The following TLE4 variants were observed in gnomAD, a reference collection of about 807,000 sequenced individuals.
The protein encoded by TLE4 is TLE family member 4, transcriptional corepressor.
In TLE4, 8 loss-of-function variants were observed where a neutral mutation model predicts 92.8. That is an observed-to-expected ratio of 0.09 (90% CI 0.05 to 0.16). TLE4 has a LOEUF of 0.16. Ranked by LOEUF, TLE4 falls within the 10% of genes least tolerant of loss-of-function variation. The probability of loss-of-function intolerance (pLI) is 1.00; values close to 1 mark genes in which losing one functional copy is unlikely to be tolerated. For synonymous variants in TLE4, 371 were observed against 374.1 expected (o/e 0.99, Z 0.10); for missense variants, 675 against 997.6 (o/e 0.68, Z 4.36).
intron 4 of TLE4, among the ~76,000 whole-genome samples, chr9:79,610,438 A>G (rs2048100801): frequency 6.6e-6 from 1 of 152,092 alleles, no homozygotes; most frequent in Non-Finnish European, 1.5e-5. Context: ...CTGTGGGACA[A>G]AAGAGGCGAA....
At chr9:79,706,697 C>G (rs764159048) in intron 10 of TLE4, 50 bp from the exon 11 acceptor site, 3 of 1,575,946 alleles carry the variant, frequency 1.9e-6, no homozygotes, top group African/African-American at 1.4e-5. Flanking sequence ...ACAACCCCAG[C>G]ATTATAAATG....
At chr9:79,626,849 G>A (rs897237437) in intron 5 of TLE4, among the ~76,000 whole-genome samples, 4 of 152,050 alleles carry the variant, frequency 2.6e-5, no homozygotes, top group African/African-American at 9.7e-5. Flanking sequence ...CTCATGATAG[G>A]GGTTAAAACA....
chr9:79,573,912 G>A, intron 2 of TLE4, 126 bp downstream of exon 2: 1 of 577,360 alleles, frequency 1.7e-6, no homozygotes, highest in South Asian at 5.4e-5. Flanking sequence ...TTTTTTTCTC[G>A]GTGGGCAGAA....
intron 8 of TLE4, among the ~76,000 whole-genome samples, chr9:79,682,344 A>G (rs1194830217): frequency 6.6e-6 from 1 of 152,170 alleles, no homozygotes; most frequent in East Asian, 1.9e-4. Context: ...TATATGCATC[A>G]TATTGCCTTT....
chr9:79,573,426 G>A, intron 1 of TLE4: 3 of 1,192,060 alleles, frequency 2.5e-6, no homozygotes, highest in African/African-American at 1.6e-5. Flanking sequence ...TTTGGCCGGG[G>A]AGGGGAGACG....
chr9:79,706,608 T>C (rs1055487651), intron 10 of TLE4, 139 bp from the exon 11 acceptor site: 2 of 1,078,496 alleles, frequency 1.9e-6, no homozygotes, highest in Admixed American at 2.8e-5. Flanking sequence ...GTAGTTTCAG[T>C]GAGTATTGTT....
intron 8 of TLE4, among the ~76,000 whole-genome samples, chr9:79,662,571 TG>T (rs1237015256): frequency 2.0e-5 from 3 of 152,304 alleles, no homozygotes; most frequent in Admixed American, 2.0e-4. Flanking sequence ...AAAATAAAAA[TG>T]TCACCATGGT....
intron 4 of TLE4, 139 bp from the exon 5 acceptor site, chr9:79,612,517 T>G: frequency 2.2e-5 from 16 of 718,756 alleles, no homozygotes; most frequent in East Asian, 2.6e-5. Context: ...GGCTTACTGA[T>G]GAGATAGTTT....
rs1384932722 is a variant in TLE4 at position 79,726,137 on chromosome 9, C to G, written c.*993C>G. The G allele has an allele frequency of 6.6e-6, 1 of 152,604 alleles. No homozygotes were observed. Among genetic ancestry groups the G allele is most frequent in the Non-Finnish European group, 1.5e-5 (1 of 68,028 alleles). 9.5% of individuals were successfully genotyped at this position (152,604 alleles called of 1,614,324 possible). A position where few individuals can be genotyped will look rare whatever the true frequency, so the allele number is the denominator to read the frequency against. On this transcript the variant is annotated 3_prime_UTR_variant, in exon 20 of 20. Transcript: ENST00000376552. ...AACAAGGACAGCAGAGGAGGGTTTG[C>G]AGAGACCTCCCTCTGAAAAACACAA... is the stretch of plus-strand genomic sequence containing the variant.
intron 7 of TLE4, among the ~76,000 whole-genome samples, chr9:79,653,651 A>G (rs2059348776): frequency 1.3e-5 from 2 of 152,230 alleles, no homozygotes. Context: ...CTGTTTCAGC[A>G]TCCTTACTGT....
chr9:79,614,779 A>G (rs2049119664), intron 5 of TLE4, among the ~76,000 whole-genome samples: 1 of 152,118 alleles, frequency 6.6e-6, no homozygotes, highest in African/African-American at 2.4e-5. Flanking sequence ...CTTTCTTAAA[A>G]CAGTATGAGA....
intron 8 of TLE4, chr9:79,693,555 C>T: frequency 2.4e-6 from 1 of 424,738 alleles, no homozygotes; most frequent in Non-Finnish European, 4.6e-6. Context: ...AGATAGCAGA[C>T]TGTTGGCTGT....
At chr9:79,595,785 T>C (rs957831500) in intron 4 of TLE4, among the ~76,000 whole-genome samples, 6 of 152,096 alleles carry the variant, frequency 3.9e-5, no homozygotes, top group South Asian at 4.1e-4. Context: ...AAAACTTGTT[T>C]AAATTCTTCT....
At chr9:79,587,324 G>A (rs2132196922) in intron 4 of TLE4, among the ~76,000 whole-genome samples, 1 of 152,302 alleles carries the variant, frequency 6.6e-6, no homozygotes, top group African/African-American at 2.4e-5. Flanking sequence ...GCCTAGATAG[G>A]CAATCAGAGA....
In TLE4 at chr9:79,711,503, A is replaced by G. The variant is rs866615598; in HGVS notation, c.1340+1804A>G. On this transcript the variant is annotated intron_variant, in intron 14 of 19. Transcript: ENST00000376552. The stretch of plus-strand genomic sequence containing the variant: ...AAGTGGAAGGGTTCCTTTAGGGAAG[A>G]AGTACTATCCCTTTTTTTTGGTTAC... Among the ~76,000 whole-genome samples, 9 of 152,328 alleles carry G rather than the reference A, an allele frequency of 5.9e-5. No individual in the cohort carries two copies. In the South Asian group the frequency reaches 1.0e-3, roughly 18 times the overall value.
At chr9:79,667,643 A>G (rs1294713688) in intron 8 of TLE4, among the ~76,000 whole-genome samples, 1 of 152,106 alleles carries the variant, frequency 6.6e-6, no homozygotes, top group African/African-American at 2.4e-5. Context: ...TATCCTGCCT[A>G]TTGGAAGTGC....
chr9:79,595,656 T>C (rs887658520), intron 4 of TLE4, among the ~76,000 whole-genome samples: 4 of 152,066 alleles, frequency 2.6e-5, no homozygotes, highest in African/African-American at 9.7e-5. Context: ...AAGAATCAAA[T>C]TCAAGGTGGT....
At chr9:79,648,354 C>T (rs982025799) in intron 6 of TLE4, among the ~76,000 whole-genome samples, 15 of 152,090 alleles carry the variant, frequency 9.9e-5, no homozygotes, top group Non-Finnish European at 4.4e-5. Context: ...GTCTTCTTAT[C>T]TGTAAAAAGA....
At chr9:79,699,403 A>G (rs1261224680) in intron 8 of TLE4, among the ~76,000 whole-genome samples, 3 of 152,216 alleles carry the variant, frequency 2.0e-5, no homozygotes, top group Non-Finnish European at 4.4e-5. Context: ...TGACTGAACT[A>G]TAGTTAAGAG....
Sources: gnomAD v4.1 joint callset for allele counts (sites outside exome capture counted in the v4.1 genomes callset) on GRCh38, gnomAD v4.1.1 for gene constraint, MANE v1.5 for transcripts, NCBI Gene and HGNC (gene_info 2026-07-23, HGNC 2026-07-21) for gene names.